Variants in UBN1 observed in about 807,000 individuals in gnomAD.
UBN1 encodes ubinuclein 1.
In UBN1, 17 loss-of-function variants were observed where a neutral mutation model predicts 108.5. That is an observed-to-expected ratio of 0.16 (90% CI 0.11 to 0.24). The LOEUF (loss-of-function observed/expected upper bound fraction) is 0.24. Ranked by LOEUF, UBN1 falls within the 10% of genes least tolerant of loss-of-function variation. UBN1 has a pLI of 1.00. For synonymous variants in UBN1, 726 were observed against 564.2 expected (o/e 1.29, Z -4.07); for missense variants, 1,595 against 1,394.4 (o/e 1.14, Z -2.29).
chr16:4,882,373 CTCTTT>C lies in UBN1; in HGVS notation c.*2247_*2251del, dbSNP rs1243112324. 1 of 147,984 alleles carries C rather than the reference CTCTTT, an allele frequency of 6.8e-6. No individual in the cohort carries two copies. Among genetic ancestry groups the C allele is most frequent in the Non-Finnish European group, 1.5e-5 (1 of 67,680 alleles). The allele number at this position is 147,984 out of a possible 1,614,324, so 9.2% of individuals were successfully genotyped here. On this transcript the variant is annotated 3_prime_UTR_variant, in exon 18 of 18. Coordinates refer to ENST00000262376, the MANE Select transcript of UBN1 (RefSeq NM_001079514.3). ...AAGGTTTCCAAAACATTTTTTCTCA[CTCTTT>C]TCTTTCTACCATGTGGAAGTAAGTA...
chr16:4,860,900 A>T lies in UBN1; in HGVS notation c.908A>T (p.Gln303Leu). 6.2e-7 allele frequency: 1 copy of T among 1,614,242 alleles called. No individual in the cohort carries two copies. The highest frequency in any genetic ancestry group is 8.5e-7 in the Non-Finnish European group (1 of 1,180,038). ...TCTACTTCTGACAACGACTTGCTCC[A>T]GGCGGCCACTGCCATGGACTCGCTG... ...FGSTSDNDLLQAATAMDSLTD... is the reference protein window; with the variant it reads ...FGSTSDNDLLLAATAMDSLTD... Residue 303 changes from glutamine to leucine, a missense_variant, in exon 7 of 18, where the codon CAG becomes CTG. Around this residue, in one of 3 missense-constraint regions of UBN1, gnomAD observed 1,398 missense variants for 1,194.7 expected, o/e 1.17. Transcript: ENST00000262376.
In UBN1 at chr16:4,881,006, G is replaced by A. The variant is rs1166422533; in HGVS notation, c.*874G>A. 1 of 152,378 alleles carries A rather than the reference G, an allele frequency of 6.6e-6. No homozygotes were observed. The highest frequency in any genetic ancestry group is 2.4e-5 in the African/African-American group (1 of 41,416). The allele number at this position is 152,378 out of a possible 1,614,324, so 9.4% of individuals were successfully genotyped here. A position where few individuals can be genotyped will look rare whatever the true frequency, so the allele number is the denominator to read the frequency against. On this transcript the variant is annotated 3_prime_UTR_variant, in exon 18 of 18. Coordinates refer to ENST00000262376, the MANE Select transcript of UBN1 (RefSeq NM_001079514.3). ...AGCCAGTTTTGAGTTTTTTACACTTGCACATCATTATCTGTGCCGTCCTGA... is the reference window on the plus strand; with the variant it reads ...AGCCAGTTTTGAGTTTTTTACACTTACACATCATTATCTGTGCCGTCCTGA...
In UBN1 at chr16:4,874,493, C is replaced by G. The variant is rs781224149; in HGVS notation, c.2083C>G (p.Leu695Val). 2.5e-6 allele frequency: 4 copies of G among 1,614,246 alleles called. No homozygotes were observed. The South Asian group carries it at 4.4e-5, about 18-fold the overall frequency. Residue 695 changes from leucine to valine, a missense_variant, in exon 15 of 18, where the codon CTG (leucine) becomes GTG (valine). Coordinates refer to ENST00000262376, the MANE Select transcript of UBN1 (RefSeq NM_001079514.3). ...SRAAGNSEFT[L>V]PAPSKAPAEK... ...AGCAGCTGGGAACTCTGAATTCACA[C>G]TGCCTGCACCCTCAAAAGCACCTGC... is the stretch of plus-strand genomic sequence containing the variant.
intron 15 of UBN1, among the ~76,000 whole-genome samples, chr16:4,876,389 C>T (rs897386882): frequency 2.0e-5 from 3 of 152,162 alleles, no homozygotes; most frequent in East Asian, 1.9e-4. Context: ...GGTTTATTTT[C>T]CTCTTTTTAA....
In UBN1 at chr16:4,852,908, G is replaced by A. The variant is rs746737020; in HGVS notation, c.-10G>A. The A allele has an allele frequency of 6.2e-7, 1 of 1,611,834 alleles. No homozygotes were observed. Among genetic ancestry groups the A allele is most frequent in the Non-Finnish European group, 8.5e-7 (1 of 1,178,310 alleles). On this transcript the variant is annotated 5_prime_UTR_variant, in exon 2 of 18. Coordinates refer to ENST00000262376, the MANE Select transcript of UBN1 (RefSeq NM_001079514.3). ...CATGCAGTGACACCCGCTAAGACTT[G>A]TTGGTAGCCATGTCGGAGCCCCACA...
chr16:4,849,476 A>C (rs1027881227), intron 1 of UBN1, among the ~76,000 whole-genome samples: 4 of 139,952 alleles, frequency 2.9e-5, no homozygotes, highest in African/African-American at 1.3e-4. Context: ...TTAGAAGGAG[A>C]TATATATATA....
At chr16:4,857,216 G>A (rs1261548051) in intron 2 of UBN1, among the ~76,000 whole-genome samples, 3 of 151,854 alleles carry the variant, frequency 2.0e-5, no homozygotes, top group Admixed American at 1.3e-4. Context: ...TAGGCATAGT[G>A]TTGTATGCCT....
chr16:4,867,244 G>C (rs907010801), intron 7 of UBN1, among the ~76,000 whole-genome samples: 2 of 152,216 alleles, frequency 1.3e-5, no homozygotes, highest in Non-Finnish European at 2.9e-5. Flanking sequence ...AGTGGGTCTG[G>C]TGTAAGTTGA....
intron 2 of UBN1, among the ~76,000 whole-genome samples, 192 bp from the exon 3 acceptor site, chr16:4,857,798 T>C (rs543502030): frequency 2.6e-5 from 4 of 152,338 alleles, no homozygotes; most frequent in African/African-American, 7.2e-5. Flanking sequence ...TCAAGTTTTA[T>C]TAACCTACAT....
Position 4,875,038 on chromosome 16 carries a change from A to G in UBN1, c.2628A>G (p.Pro876=), listed in dbSNP as rs780481661. The G allele has an allele frequency of 3.1e-6, 5 of 1,614,026 alleles. No homozygotes were observed. The highest frequency in any genetic ancestry group is 1.6e-4 in the Middle Eastern group (1 of 6,062). The part of the protein sequence containing the change: ...SASSSSSHKT[P]ASSSSALSHP... Reference sequence around the variant, plus strand: ...CCAGCAGCAGCTCTCACAAGACCCCAGCCTCGTCCTCTTCTGCCCTGAGCC... The same window carrying G: ...CCAGCAGCAGCTCTCACAAGACCCCGGCCTCGTCCTCTTCTGCCCTGAGCC... Residue 876 remains proline, a synonymous_variant, in exon 15 of 18, where the codon CCA becomes CCG. Coordinates refer to ENST00000262376, the MANE Select transcript of UBN1 (RefSeq NM_001079514.3).
At chr16:4,858,155 T>C in intron 3 of UBN1, 79 bp downstream of exon 3, 1 of 937,584 alleles carries the variant, frequency 1.1e-6, no homozygotes, top group Non-Finnish European at 1.7e-6. Context: ...TAGTGGATCA[T>C]CATGTAATAA....
chr16:4,862,229 C>A (rs549341066), intron 7 of UBN1, among the ~76,000 whole-genome samples: 1 of 152,260 alleles, frequency 6.6e-6, no homozygotes, highest in Admixed American at 6.5e-5. Flanking sequence ...CCTATAATAT[C>A]CTTTGTGTTT....
intron 2 of UBN1, among the ~76,000 whole-genome samples, chr16:4,857,100 G>C (rs985983431): frequency 6.6e-6 from 1 of 152,074 alleles, no homozygotes. Flanking sequence ...CCAGCACTTT[G>C]GGAGGCTGAG....
intron 7 of UBN1, among the ~76,000 whole-genome samples, chr16:4,862,747 G>T (rs961342853): frequency 1.3e-5 from 2 of 152,366 alleles, no homozygotes; most frequent in Admixed American, 6.5e-5. Flanking sequence ...GAAAGATGGG[G>T]ACAGATTTAG....
chr16:4,864,243 C>T (rs762389553), intron 7 of UBN1, among the ~76,000 whole-genome samples: 2 of 152,026 alleles, frequency 1.3e-5, no homozygotes, highest in African/African-American at 2.4e-5. Context: ...TGAGCCACTG[C>T]GCCTGGCCTG....
At chr16:4,869,492 C>G (rs973039256) in intron 8 of UBN1, among the ~76,000 whole-genome samples, 1 of 152,234 alleles carries the variant, frequency 6.6e-6, no homozygotes, top group Non-Finnish European at 1.5e-5. Context: ...TGCAGTGTTG[C>G]CGCTTTTCTC....
At chr16:4,858,482 T>C (rs2086908988) in intron 3 of UBN1, 86 bp from the exon 4 acceptor site, 3 of 1,223,564 alleles carry the variant, frequency 2.5e-6, no homozygotes, top group Non-Finnish European at 3.6e-6. Flanking sequence ...ATTACCTCTT[T>C]GAGTCATAGC....
At chr16:4,852,685 C>G in intron 1 of UBN1, 194 bp from the exon 2 acceptor site, 2 of 491,220 alleles carry the variant, frequency 4.1e-6, no homozygotes, top group East Asian at 4.1e-5. Flanking sequence ...TGGAAGTATG[C>G]TAAGCAGTGA....
intron 3 of UBN1, 60 bp downstream of exon 3, chr16:4,858,136 G>A: frequency 2.7e-6 from 3 of 1,113,572 alleles, no homozygotes; most frequent in Admixed American, 1.8e-5. Flanking sequence ...TTTCCACACT[G>A]TATTCCTTTA....
Sources: allele counts gnomAD v4.1 joint callset (sites outside exome capture counted in the v4.1 genomes callset), GRCh38; gene constraint gnomAD v4.1.1; regional missense constraint gnomAD v4.1.1; transcripts MANE v1.5; gene names NCBI Gene and HGNC (gene_info 2026-07-23, HGNC 2026-07-21).